Variants in SIK2 observed in about 807,000 individuals in gnomAD.
The protein encoded by SIK2 is salt inducible kinase 2.
Under a neutral mutation model 103.2 loss-of-function variants are expected in SIK2, and 29 were observed. That is an observed-to-expected ratio of 0.28 (90% CI 0.21 to 0.38). The LOEUF (loss-of-function observed/expected upper bound fraction) is 0.38. SIK2 is among the 10% of genes least tolerant of loss of function. The probability of loss-of-function intolerance (pLI) is 1.00; values close to 1 mark genes in which losing one functional copy is unlikely to be tolerated. For missense variants in SIK2, 879 were observed against 1,171.0 expected (o/e 0.75, Z 3.64); for synonymous variants, 412 against 446.1 (o/e 0.92, Z 0.96).
intron 8 of SIK2, among the ~76,000 whole-genome samples, chr11:111,709,435 A>G (rs890180768): frequency 3.3e-5 from 5 of 152,222 alleles, no homozygotes; most frequent in Non-Finnish European, 5.9e-5. Flanking sequence ...TGGAATAGCA[A>G]CGATTTTCCC....
intron 3 of SIK2, among the ~76,000 whole-genome samples, chr11:111,635,020 AT>A (rs1942088190): frequency 6.6e-6 from 1 of 152,206 alleles, no homozygotes; most frequent in African/African-American, 2.4e-5. Flanking sequence ...GATATGTATA[AT>A]AGTTATCTTT....
chr11:111,617,832 T>A (rs565616739), intron 2 of SIK2, among the ~76,000 whole-genome samples: 39 of 151,464 alleles, frequency 2.6e-4, no homozygotes, highest in African/African-American at 9.2e-4. Context: ...CCATGTGTGT[T>A]TGTGTATGTG....
intron 3 of SIK2, among the ~76,000 whole-genome samples, chr11:111,680,090 C>G (rs1942757810): frequency 6.6e-6 from 1 of 151,772 alleles, no homozygotes; most frequent in African/African-American, 2.4e-5. Flanking sequence ...CCATTGCACT[C>G]CAGCCTGGGT....
intron 3 of SIK2, among the ~76,000 whole-genome samples, chr11:111,623,482 A>G (rs1180733690): frequency 2.0e-5 from 3 of 152,174 alleles, no homozygotes; most frequent in Non-Finnish European, 4.4e-5. Flanking sequence ...TTTTTGTGTT[A>G]CTTTAGGTTT....
At chr11:111,677,817 A>C (rs1279344093) in intron 3 of SIK2, among the ~76,000 whole-genome samples, 1 of 152,198 alleles carries the variant, frequency 6.6e-6, no homozygotes, top group East Asian at 1.9e-4. Context: ...ATTAGCATTT[A>C]GGACCATTGT....
At chr11:111,694,882 C>T (rs1318048437) in intron 4 of SIK2, among the ~76,000 whole-genome samples, 1 of 152,172 alleles carries the variant, frequency 6.6e-6, no homozygotes, top group Non-Finnish European at 1.5e-5. Flanking sequence ...TCATTGAACT[C>T]TCTGACTGGA....
intron 3 of SIK2, among the ~76,000 whole-genome samples, chr11:111,664,692 C>T (rs1377269319): frequency 8.0e-6 from 1 of 124,612 alleles, no homozygotes; most frequent in African/African-American, 3.0e-5. Context: ...CCCATCACCA[C>T]CCCCCCCACA....
intron 3 of SIK2, among the ~76,000 whole-genome samples, chr11:111,656,989 A>C (rs1942399696): frequency 6.6e-6 from 1 of 152,218 alleles, no homozygotes; most frequent in Admixed American, 6.5e-5. Context: ...AATTTATGCA[A>C]ATACTTATTG....
intron 3 of SIK2, among the ~76,000 whole-genome samples, chr11:111,663,769 G>A (rs1464475985): frequency 6.6e-6 from 1 of 152,202 alleles, no homozygotes; most frequent in Non-Finnish European, 1.5e-5. Flanking sequence ...CGTTTTCAAG[G>A]TAGGAGTTGA....
At chr11:111,669,313 A>G (rs1178540653) in intron 3 of SIK2, among the ~76,000 whole-genome samples, 1 of 152,230 alleles carries the variant, frequency 6.6e-6, no homozygotes, top group African/African-American at 2.4e-5. Context: ...AGAATCTAAG[A>G]CTTGACGTCA....
chr11:111,697,137 A>T (rs983717528), intron 4 of SIK2, among the ~76,000 whole-genome samples: 3 of 152,240 alleles, frequency 2.0e-5, no homozygotes, highest in African/African-American at 7.2e-5. Context: ...TTTCTATTCC[A>T]CTGCTGCAAC....
At chr11:111,659,877 C>T (rs921540835) in intron 3 of SIK2, among the ~76,000 whole-genome samples, 4 of 152,214 alleles carry the variant, frequency 2.6e-5, no homozygotes, top group Admixed American at 6.5e-5. Flanking sequence ...TGATTGGAGA[C>T]GCAACCGTGT....
At position 111,724,234 on chromosome 11, in the gene SIK2, C is replaced by CG; in HGVS notation, c.*109dup. The CG allele has an allele frequency of 7.0e-7, 1 of 1,432,974 alleles. No individual in the cohort carries two copies. Among genetic ancestry groups the CG allele is most frequent in the Non-Finnish European group, 9.3e-7 (1 of 1,080,658 alleles). 88.8% of individuals were successfully genotyped at this position (1,432,974 alleles called of 1,614,324 possible). A position where few individuals can be genotyped will look rare whatever the true frequency, so the allele number is the denominator to read the frequency against. The stretch of plus-strand genomic sequence containing the variant: ...GCTTATTTTCTTGCCCTCTCCCTAA[C>CG]GGGGAGAAATCGAGCCACCCAACTG... On this transcript the variant is annotated 3_prime_UTR_variant, in exon 15 of 15. Transcript: ENST00000304987.
chr11:111,703,543 G>A (rs1265377508), intron 7 of SIK2, 120 bp downstream of exon 7: 1 of 787,592 alleles, frequency 1.3e-6, no homozygotes, highest in African/African-American at 1.7e-5. Flanking sequence ...ACTGTTCAGT[G>A]TTCCCTATAG....
At chr11:111,643,698 C>G (rs758551113) in intron 3 of SIK2, among the ~76,000 whole-genome samples, 21 of 151,498 alleles carry the variant, frequency 1.4e-4, no homozygotes, top group Non-Finnish European at 2.5e-4. Flanking sequence ...GTACTCCCAG[C>G]TACTCAGGAG....
intron 3 of SIK2, among the ~76,000 whole-genome samples, chr11:111,653,234 C>A (rs1942349605): frequency 6.6e-6 from 1 of 152,188 alleles, no homozygotes; most frequent in Non-Finnish European, 1.5e-5. Flanking sequence ...GACGTTATTA[C>A]TTTGATTATG....
intron 9 of SIK2, among the ~76,000 whole-genome samples, chr11:111,714,871 T>C (rs1013321963): frequency 1.3e-5 from 2 of 152,148 alleles, no homozygotes; most frequent in African/African-American, 4.8e-5. Context: ...ACAGTCCCAC[T>C]CAGAAAGTTA....
rs1446353664 is a variant in SIK2, at chr11:111,723,643, C to CCCA, written c.2298_2300dup (p.Pro767dup). ...AGACTCCACCGCCTTCTCAGCAGGC[C>CCCA]CCACCGTTCAGCCTGACCCAGCCCC... On this transcript the variant is annotated inframe_insertion, in exon 15 of 15. Coordinates refer to ENST00000304987, the MANE Select transcript of SIK2 (RefSeq NM_015191.3). 5 of 1,614,124 alleles carry CCCA rather than the reference C, an allele frequency of 3.1e-6. No individual in the cohort carries two copies. Among genetic ancestry groups the CCCA allele is most frequent in the Non-Finnish European group, 4.2e-6 (5 of 1,180,030 alleles).
chr11:111,617,078 CTTTG>C (rs1473594748), intron 2 of SIK2, among the ~76,000 whole-genome samples: 1 of 152,040 alleles, frequency 6.6e-6, no homozygotes, highest in East Asian at 1.9e-4. Context: ...AAAAAATCAA[CTTTG>C]TTATAATAAT....
Sources: allele counts gnomAD v4.1 joint callset (sites outside exome capture counted in the v4.1 genomes callset), GRCh38; gene constraint gnomAD v4.1.1; transcripts MANE v1.5; gene names NCBI Gene and HGNC (gene_info 2026-07-23, HGNC 2026-07-21).